The following CCND3 variants were observed in gnomAD, a reference collection of about 807,000 sequenced individuals.
The protein encoded by CCND3 is G1/S-specific cyclin-D3.
In CCND3, 9 loss-of-function variants were observed where a neutral mutation model predicts 28.7. The ratio of observed to expected loss-of-function variants is 0.31; its 90% confidence interval spans 0.19 to 0.55. The LOEUF is 0.55. Ranked by LOEUF, CCND3 falls within the 20% of genes least tolerant of loss-of-function variation. The pLI, the probability that CCND3 is intolerant of heterozygous loss-of-function variation, is 0.93. For missense variants in CCND3, 315 were observed against 385.8 expected (o/e 0.82, Z 1.54); for synonymous variants, 164 against 163.9 (o/e 1.00, Z 0.00).
chr6:41,999,857 C>A (rs913262659), intron 1 of CCND3, among the ~76,000 whole-genome samples: 2 of 152,170 alleles, frequency 1.3e-5, no homozygotes, highest in African/African-American at 4.8e-5. Context: ...TGCCACTGCA[C>A]TCCAGCCTGG....
chr6:42,045,084 G>A (rs992814899), intron 1 of CCND3, among the ~76,000 whole-genome samples: 10 of 151,726 alleles, frequency 6.6e-5, no homozygotes, highest in Middle Eastern at 3.4e-3. Context: ...GATTACAGGC[G>A]TGAGCCACTG....
At chr6:42,022,608 C>T (rs983849230) in intron 1 of CCND3, among the ~76,000 whole-genome samples, 2 of 152,154 alleles carry the variant, frequency 1.3e-5, no homozygotes, top group African/African-American at 4.8e-5. Flanking sequence ...AAACAGGCTC[C>T]CCCCAACCGC....
chr6:41,989,488 A>G (rs1414511581), intron 1 of CCND3, among the ~76,000 whole-genome samples: 1 of 151,698 alleles, frequency 6.6e-6, no homozygotes, highest in Non-Finnish European at 1.5e-5. Context: ...AACAGAAAAG[A>G]AAACAACAAT....
At chr6:41,975,175 T>C (rs1317568720) in intron 1 of CCND3, among the ~76,000 whole-genome samples, 1 of 152,216 alleles carries the variant, frequency 6.6e-6, no homozygotes, top group Non-Finnish European at 1.5e-5. Flanking sequence ...TACATGATTG[T>C]CATAATTTAC....
chr6:41,992,148 T>C (rs1474104023), intron 1 of CCND3, among the ~76,000 whole-genome samples: 1 of 152,124 alleles, frequency 6.6e-6, no homozygotes, highest in Non-Finnish European at 1.5e-5. Context: ...GTTTGATTTG[T>C]AGTTTTTTTG....
chr6:41,998,544 T>A (rs1262908769), intron 1 of CCND3, among the ~76,000 whole-genome samples: 1 of 151,410 alleles, frequency 6.6e-6, no homozygotes, highest in Non-Finnish European at 1.5e-5. Context: ...GCCAGGCTGG[T>A]CTCGAACTCC....
At chr6:42,029,808 G>A (rs933827257) in intron 1 of CCND3, among the ~76,000 whole-genome samples, 2 of 147,118 alleles carry the variant, frequency 1.4e-5, no homozygotes, top group African/African-American at 5.1e-5. Flanking sequence ...TTGCACTCCA[G>A]CCTGGGCGAC....
At chr6:41,967,535 T>C (rs897082021) in intron 1 of CCND3, among the ~76,000 whole-genome samples, 1 of 152,192 alleles carries the variant, frequency 6.6e-6, no homozygotes, top group African/African-American at 2.4e-5. Context: ...TCTTAGACAA[T>C]AACCTGCACA....
At chr6:41,982,541 A>C (rs543677826) in intron 1 of CCND3, among the ~76,000 whole-genome samples, 18 of 152,302 alleles carry the variant, frequency 1.2e-4, no homozygotes, top group African/African-American at 4.1e-4. Flanking sequence ...ATCTCACTTA[A>C]AACCTCAGCA....
chr6:41,979,828 G>C (rs1418964375), intron 1 of CCND3, among the ~76,000 whole-genome samples: 1 of 151,934 alleles, frequency 6.6e-6, no homozygotes, highest in African/African-American at 2.4e-5. Flanking sequence ...TAGAGACTGG[G>C]TCTTGCCATG....
At chr6:42,017,016 G>A (rs1275773190) in intron 1 of CCND3, among the ~76,000 whole-genome samples, 2 of 152,244 alleles carry the variant, frequency 1.3e-5, no homozygotes, top group African/African-American at 2.4e-5. Context: ...AGTCACAGAG[G>A]AGTGACGTCT....
intron 1 of CCND3, among the ~76,000 whole-genome samples, chr6:42,013,700 G>T (rs925772223): frequency 6.6e-6 from 1 of 152,096 alleles, no homozygotes; most frequent in African/African-American, 2.4e-5. Flanking sequence ...TTCATCATTA[G>T]TTCAGCCTAT....
chr6:41,962,358 G>A (rs569080679), intron 1 of CCND3, among the ~76,000 whole-genome samples: 16 of 151,732 alleles, frequency 1.1e-4, no homozygotes, highest in East Asian at 2.0e-4. Context: ...CCTCGGCCTC[G>A]CAAAGTGTTG....
At chr6:42,002,698 C>CA (rs555892863) in intron 1 of CCND3, among the ~76,000 whole-genome samples, 41 of 151,592 alleles carry the variant, frequency 2.7e-4, no homozygotes, top group Non-Finnish European at 5.5e-4. Context: ...TAAAAAAATA[C>CA]AAAAAATTAG....
upstream of CCND3, among the ~76,000 whole-genome samples, chr6:41,945,794 C>T (rs1408343141): frequency 6.6e-6 from 1 of 152,042 alleles, no homozygotes; most frequent in African/African-American, 2.4e-5. Flanking sequence ...ATATAATAGC[C>T]CTATAATGAT....
intron 1 of CCND3, among the ~76,000 whole-genome samples, chr6:42,005,774 C>G (rs992927789): frequency 6.6e-6 from 1 of 151,848 alleles, no homozygotes; most frequent in African/African-American, 2.4e-5. Flanking sequence ...ATGTCCACCT[C>G]CCAGATTCAG....
chr6:41,951,564 ACACACACAC>A (rs1776314745), intron 1 of CCND3, among the ~76,000 whole-genome samples: 6 of 95,126 alleles, frequency 6.3e-5, no homozygotes, highest in South Asian at 4.9e-4. Context: ...ACACACACAC[ACACACACAC>A]ACAAAAAAAA....
At chr6:42,036,404 T>TATATATATATATATATA (rs1554168369) in intron 1 of CCND3, among the ~76,000 whole-genome samples, 2 of 20,986 alleles carry the variant, frequency 9.5e-5, no homozygotes, top group African/African-American at 3.8e-4. Flanking sequence ...TATATATATA[T>TATATATATATATATATA]TTTTTTTTTT....
intron 1 of CCND3, among the ~76,000 whole-genome samples, chr6:42,019,098 C>G (rs964206833): frequency 4.6e-5 from 7 of 152,016 alleles, no homozygotes; most frequent in Admixed American, 4.6e-4. Flanking sequence ...TATAAAATTG[C>G]AATCTATAAA....
Sources: allele counts gnomAD v4.1 joint callset (sites outside exome capture counted in the v4.1 genomes callset), GRCh38; gene constraint gnomAD v4.1.1; transcripts MANE v1.5; gene names NCBI Gene and HGNC (gene_info 2026-07-23, HGNC 2026-07-21).